The following BACH2 variants were observed in gnomAD, a reference collection of about 807,000 sequenced individuals.
BACH2 encodes the protein transcription regulator protein BACH2.
A neutral mutation model predicts 61.8 loss-of-function variants in BACH2; 5 were observed. That is an observed-to-expected ratio of 0.08 (90% confidence interval 0.04 to 0.17). The LOEUF is 0.17. Among genes scored for constraint, BACH2 ranks in the 10% least tolerant of loss-of-function variants. The pLI, the probability that BACH2 is intolerant of heterozygous loss-of-function variation, is 1.00. For synonymous variants in BACH2, 446 were observed against 440.1 expected, an observed-to-expected ratio of 1.01 and a Z score of -0.17; for missense variants, 824 against 1,091.1, an observed-to-expected ratio of 0.76 and a Z score of 3.45.
chr6:90,284,704 C>T (rs924426606), intron 1 of BACH2, among the ~76,000 whole-genome samples: 1 of 151,822 alleles, frequency 6.6e-6, no homozygotes, highest in African/African-American at 2.4e-5. Flanking sequence ...CTACAAAAAA[C>T]AACTTTATAC....
chr6:90,130,826 C>T (rs1582401188), intron 4 of BACH2, among the ~76,000 whole-genome samples: 1 of 152,214 alleles, frequency 6.6e-6, no homozygotes, highest in East Asian at 1.9e-4. Flanking sequence ...GGTTAAAATC[C>T]TGGCCCTGTT....
At chr6:90,022,538 C>T (rs1231390416) in intron 5 of BACH2, among the ~76,000 whole-genome samples, 2 of 152,148 alleles carry the variant, frequency 1.3e-5, no homozygotes, top group East Asian at 1.9e-4. Context: ...GAGCCAAGAT[C>T]GTGCCACTGC....
chr6:90,293,559 G>C (rs1286201462), intron 1 of BACH2, among the ~76,000 whole-genome samples: 5 of 152,226 alleles, frequency 3.3e-5, no homozygotes, highest in Non-Finnish European at 7.3e-5. Context: ...AGTGGGCCCA[G>C]AAGTGAAGGG....
intron 5 of BACH2, among the ~76,000 whole-genome samples, chr6:90,051,483 C>A (rs1780044257): frequency 6.6e-6 from 1 of 152,190 alleles, no homozygotes; most frequent in South Asian, 2.1e-4. Flanking sequence ...TGCTTTTGCA[C>A]TACAGTGGCA....
chr6:90,289,671 C>A (rs1381810057), intron 1 of BACH2, among the ~76,000 whole-genome samples: 1 of 152,040 alleles, frequency 6.6e-6, no homozygotes, highest in Non-Finnish European at 1.5e-5. Context: ...AAACAAAAAA[C>A]AAACAAACAA....
chr6:89,931,934 G>GATAT lies in BACH2; in HGVS notation c.*470_*473dup, dbSNP rs10606091. ...GAGGCATGCAGGACTTTTGCATATG[G>GATAT]ATATATATATATATATATATATATT... On this transcript the variant is annotated 3_prime_UTR_variant, in exon 9 of 9. Coordinates refer to ENST00000257749, the MANE Select transcript of BACH2 (RefSeq NM_021813.4). 80 of 140,588 alleles carry GATAT rather than the reference G, an allele frequency of 5.7e-4. No individual in the cohort carries two copies. The highest frequency in any genetic ancestry group is 4.6e-4 in the South Asian group (2 of 4,332). The allele number at this position is 140,588 out of a possible 1,614,324, so 8.7% of individuals were successfully genotyped here. A position where few individuals can be genotyped will look rare whatever the true frequency, so the allele number is the denominator to read the frequency against.
chr6:89,945,117 C>T (rs1773651203), intron 7 of BACH2, among the ~76,000 whole-genome samples: 1 of 152,114 alleles, frequency 6.6e-6, no homozygotes, highest in Non-Finnish European at 1.5e-5. Flanking sequence ...TCTAGTAGCT[C>T]CTCAAAAGGT....
Position 90,128,202 on chromosome 6 carries a change from T to A in BACH2, c.-161-39093A>T, listed in dbSNP as rs551106272. ...AAGGAAGTGGAGGAAAGAATCCATATCAAGATGCAAATGACTGACAATTTA... is the reference window on the plus strand; with the variant it reads ...AAGGAAGTGGAGGAAAGAATCCATAACAAGATGCAAATGACTGACAATTTA... On this transcript the variant is annotated intron_variant, in intron 4 of 8. Transcript: ENST00000257749. 1.3e-4 allele frequency among the ~76,000 whole-genome samples: 20 copies of A among 152,302 alleles called. No homozygotes were observed. The East Asian group carries it at 3.7e-3, about 28-fold the overall frequency.
intron 5 of BACH2, among the ~76,000 whole-genome samples, chr6:90,044,878 G>C (rs1294902344): frequency 6.6e-6 from 1 of 152,172 alleles, no homozygotes; most frequent in Non-Finnish European, 1.5e-5. Context: ...ACAAGTGTTG[G>C]TTTTGGATAT....
At chr6:90,121,022 G>A (rs771260095) in intron 4 of BACH2, among the ~76,000 whole-genome samples, 2 of 152,140 alleles carry the variant, frequency 1.3e-5, no homozygotes, top group Non-Finnish European at 2.9e-5. Context: ...GTGAAAGATT[G>A]GGGAAATAAT....
Position 90,012,793 on chromosome 6 carries a change from G to A in BACH2, c.-12-3937C>T, listed in dbSNP as rs893512892. On this transcript the variant is annotated intron_variant, in intron 5 of 8. Coordinates refer to ENST00000257749, the MANE Select transcript of BACH2 (RefSeq NM_021813.4). ...TGATTCTCCTGCCTCAGCCTCCGGAGTAGCTGGAATTAAAGAGGCATGTGC... is the reference window on the plus strand; with the variant it reads ...TGATTCTCCTGCCTCAGCCTCCGGAATAGCTGGAATTAAAGAGGCATGTGC... 6.6e-5 allele frequency among the ~76,000 whole-genome samples: 10 copies of A among 152,048 alleles called. No individual in the cohort carries two copies. The South Asian group carries it at 1.9e-3, about 28-fold the overall frequency.
At chr6:90,191,102 G>A (rs1768553806) in intron 4 of BACH2, among the ~76,000 whole-genome samples, 1 of 152,206 alleles carries the variant, frequency 6.6e-6, no homozygotes, top group African/African-American at 2.4e-5. Context: ...CTTCGGGCCA[G>A]GCCCATCCGT....
chr6:90,033,756 C>A (rs1779128503), intron 5 of BACH2, among the ~76,000 whole-genome samples: 1 of 151,970 alleles, frequency 6.6e-6, no homozygotes, highest in Non-Finnish European at 1.5e-5. Flanking sequence ...AGGAGCATCA[C>A]CTTCTTAAAA....
intron 5 of BACH2, among the ~76,000 whole-genome samples, chr6:90,023,152 C>T (rs1778463746): frequency 6.6e-6 from 1 of 152,076 alleles, no homozygotes; most frequent in Non-Finnish European, 1.5e-5. Context: ...ATGTCAAATT[C>T]AAAAATGGAT....
At position 89,932,412 on chromosome 6, in the gene BACH2, G is replaced by C. The variant is rs751211841; in HGVS notation, c.2522C>G (p.Thr841Ser). The change falls in exon 9 of 9, where the codon ACC (threonine) becomes AGC (serine). Residue 841 changes from threonine (T) to serine (S), a missense_variant. Thr to Ser is a moderately conservative substitution (Grantham distance 58). This residue lies in a region of BACH2 where 135 missense variants were observed against 142.7 expected (regional missense o/e 0.95). Coordinates refer to ENST00000257749, the MANE Select transcript of BACH2 (RefSeq NM_021813.4). ...CTGGGAGGCAGAGCCGAGTCACTAG[G>C]TATAATCTTTCCTGGGCTGTTCGTC... ...TTDEQPRKDY[T>S] 2.3e-5 allele frequency: 37 copies of C among 1,611,144 alleles called. No homozygotes were observed. Among genetic ancestry groups the C allele is most frequent in the Non-Finnish European group, 2.9e-5 (34 of 1,177,552 alleles).
chr6:90,184,221 A>T (rs955169698), intron 4 of BACH2, among the ~76,000 whole-genome samples: 1 of 152,166 alleles, frequency 6.6e-6, no homozygotes, highest in African/African-American at 2.4e-5. Flanking sequence ...AACTACTGAA[A>T]CATGCTCAGT....
intron 4 of BACH2, among the ~76,000 whole-genome samples, chr6:90,148,825 T>G (rs1784711884): frequency 6.6e-6 from 1 of 152,202 alleles, no homozygotes. Context: ...AACATGTTGT[T>G]TTTTGATAAA....
At chr6:90,068,633 T>C (rs995365513) in intron 5 of BACH2, among the ~76,000 whole-genome samples, 1 of 151,770 alleles carries the variant, frequency 6.6e-6, no homozygotes, top group Non-Finnish European at 1.5e-5. Flanking sequence ...AAACAGGTTG[T>C]TGTTGTTTTT....
intron 4 of BACH2, among the ~76,000 whole-genome samples, chr6:90,121,708 C>A (rs778974925): frequency 2.0e-5 from 3 of 151,740 alleles, no homozygotes; most frequent in Non-Finnish European, 4.4e-5. Context: ...CCATACCCAG[C>A]TAATTTTTTG....
Sources: allele counts gnomAD v4.1 joint callset (sites outside exome capture counted in the v4.1 genomes callset), GRCh38; gene constraint gnomAD v4.1.1; regional missense constraint gnomAD v4.1.1; transcripts MANE v1.5; gene names NCBI Gene and HGNC (gene_info 2026-07-23, HGNC 2026-07-21).